The following RRM1 variants were observed in gnomAD, a reference collection of about 807,000 sequenced individuals.
The protein encoded by RRM1 is ribonucleotide reductase catalytic subunit M1.
A neutral mutation model predicts 101.5 loss-of-function variants in RRM1; 19 were observed. The observed-to-expected ratio is 0.19, with a 90% CI of 0.13 to 0.27. The LOEUF is 0.27. Among genes scored for constraint, RRM1 ranks in the 10% least tolerant of loss-of-function variants. The pLI, the probability that RRM1 is intolerant of heterozygous loss-of-function variation, is 1.00. For synonymous variants in RRM1, 298 were observed against 323.4 expected, an observed-to-expected ratio of 0.92 and a Z score of 0.84; for missense variants, 500 against 962.9, an observed-to-expected ratio of 0.52 and a Z score of 6.36.
chr11:4,131,030 C>T lies in RRM1; in HGVS notation c.1770-1256C>T, dbSNP rs557934869. 9.2e-5 allele frequency among the ~76,000 whole-genome samples: 14 copies of T among 152,208 alleles called. No individual in the cohort carries two copies. In the East Asian group the frequency reaches 9.7e-4, roughly 11 times the overall value. The stretch of plus-strand genomic sequence containing the variant: ...AAGTAGAGAACCCAGTTGTATTAGT[C>T]GATTCTCACACAGTTATAAAGAACT... On this transcript the variant is annotated intron_variant, in intron 15 of 18. Coordinates refer to ENST00000300738, the MANE Select transcript of RRM1 (RefSeq NM_001033.5).
At position 4,123,200 on chromosome 11, in the gene RRM1, G is replaced by C; in HGVS notation, c.1136G>C (p.Arg379Pro). The change falls in exon 12 of 19, where the codon CGT becomes CCT. Residue 379 changes from arginine to proline, a missense_variant. Arg to Pro is a moderately radical substitution (Grantham distance 103). Around this residue, in one of 9 missense-constraint regions of RRM1, gnomAD observed 80 missense variants for 170.9 expected, o/e 0.47. Coordinates refer to ENST00000300738, the MANE Select transcript of RRM1 (RefSeq NM_001033.5). ...CCTTTCAGTTATGAGAAACAAGGTC[G>C]TGTCCGCAAAGTTGTAAAAGCTCAG... The part of the protein sequence containing the change: ...KLYASYEKQG[R>P]VRKVVKAQQL... The C allele has an allele frequency of 1.2e-6, 2 of 1,613,892 alleles. No individual in the cohort carries two copies. Among genetic ancestry groups the C allele is most frequent in the African/African-American group, 2.7e-5 (2 of 74,988 alleles).
chr11:4,119,414 T>C (rs951119352), intron 8 of RRM1, among the ~76,000 whole-genome samples: 1 of 152,238 alleles, frequency 6.6e-6, no homozygotes, highest in Non-Finnish European at 1.5e-5. Context: ...ACCTTATTTA[T>C]TGCCCTGATA....
At chr11:4,129,172 A>G in intron 15 of RRM1, 22 bp downstream of exon 15, 2 of 1,453,872 alleles carry the variant, frequency 1.4e-6, no homozygotes, top group Non-Finnish European at 1.9e-6. Flanking sequence ...GATGTAAAGT[A>G]GCTTTGAAGG....
chr11:4,095,176 G>GTCTTCAGTCAGCCTGCCC (rs2094541848), intron 1 of RRM1, 145 bp downstream of exon 1: 16 of 986,492 alleles, frequency 1.6e-5, no homozygotes, highest in Non-Finnish European at 4.6e-6. Flanking sequence ...CTGTCAGCCC[G>GTCTTCAGTCAGCCTGCCC]CTCGGCCTTC....
chr11:4,121,903 C>CA, intron 10 of RRM1, 138 bp downstream of exon 10: 1 of 805,238 alleles, frequency 1.2e-6, no homozygotes, highest in Non-Finnish European at 1.9e-6. Context: ...TTAAGAGATG[C>CA]CGTGCTTGTC....
At chr11:4,125,668 G>A (rs1311763782) in intron 12 of RRM1, among the ~76,000 whole-genome samples, 3 of 152,096 alleles carry the variant, frequency 2.0e-5, no homozygotes, top group Admixed American at 6.5e-5. Flanking sequence ...CACATGATTT[G>A]CTTTCTAACC....
rs1233173809 is a variant in RRM1, at chr11:4,132,461, A to C, written c.1905+40A>C. 1 of 1,609,128 alleles carries C rather than the reference A, an allele frequency of 6.2e-7. No homozygotes were observed. The highest frequency in any genetic ancestry group is 8.5e-7 in the Non-Finnish European group (1 of 1,176,946). On this transcript the variant is annotated intron_variant, in intron 16 of 18. Transcript: ENST00000300738. The surrounding 1 kb of genome is among the most constrained non-coding windows in gnomAD (Gnocchi z 4.1). The stretch of plus-strand genomic sequence containing the variant: ...ACCAGCCTTACAGGGAGATCTTTCA[A>C]AAGCCTGATGTTGGGAGTAAATGCT...
intron 5 of RRM1, among the ~76,000 whole-genome samples, chr11:4,110,900 G>A (rs971300899): frequency 6.6e-6 from 1 of 152,002 alleles, no homozygotes; most frequent in African/African-American, 2.4e-5. Context: ...AGTCTTCAGG[G>A]GATTAAATGA....
chr11:4,116,129 G>A (rs1262849200), intron 7 of RRM1: 1 of 152,280 alleles, frequency 6.6e-6, no homozygotes, highest in African/African-American at 2.4e-5. Context: ...GATGCTGGGT[G>A]AGGAGTGGTC....
chr11:4,101,859 G>A (rs1402279390), intron 1 of RRM1, 134 bp from the exon 2 acceptor site: 8 of 606,700 alleles, frequency 1.3e-5, no homozygotes, highest in South Asian at 2.0e-5. Context: ...TTTTGAGGGG[G>A]CCTCAATCTT....
intron 12 of RRM1, 82 bp downstream of exon 12, chr11:4,123,466 C>T: frequency 8.8e-7 from 1 of 1,136,746 alleles, no homozygotes. Context: ...CTTGATTTCA[C>T]TTGAGATAAG....
rs1262896716 is a variant in RRM1, at chr11:4,127,073, T to TG, written c.1513dup (p.Val505GlyfsTer16). 1 of 1,613,458 alleles carries TG rather than the reference T, an allele frequency of 6.2e-7. No homozygotes were observed. The highest frequency in any genetic ancestry group is 1.3e-5 in the African/African-American group (1 of 74,890). Reference sequence around the variant, plus strand: ...ATAAACGCCATCGCCCCATTGGAATTGGGGTACAAGGTCTGGCAGATGCTT... The same window carrying TG: ...ATAAACGCCATCGCCCCATTGGAATTGGGGGTACAAGGTCTGGCAGATGCTT... On this transcript the variant is annotated frameshift_variant, in exon 14 of 19. Coordinates refer to ENST00000300738, the MANE Select transcript of RRM1 (RefSeq NM_001033.5). LOFTEE classifies it high-confidence loss of function.
intron 11 of RRM1, among the ~76,000 whole-genome samples, chr11:4,122,872 C>CAA (rs140332856): frequency 4.2e-5 from 5 of 120,472 alleles, no homozygotes; most frequent in African/African-American, 1.2e-4. Context: ...AACTCCGTCT[C>CAA]AAAAAAAAAA....
chr11:4,095,419 C>T (rs1363000137), intron 1 of RRM1, among the ~76,000 whole-genome samples: 1 of 132,464 alleles, frequency 7.5e-6, no homozygotes, highest in African/African-American at 2.6e-5. Context: ...CCGACTGACC[C>T]AAAGTCACCC....
chr11:4,136,648 C>T (rs535612101), intron 18 of RRM1, among the ~76,000 whole-genome samples: 2 of 152,210 alleles, frequency 1.3e-5, no homozygotes, highest in African/African-American at 4.8e-5. Context: ...ACCTCAGCCT[C>T]CTGAGTAGCT....
intron 2 of RRM1, among the ~76,000 whole-genome samples, chr11:4,103,292 G>C (rs1394154175): frequency 1.3e-5 from 2 of 152,144 alleles, no homozygotes; most frequent in African/African-American, 4.8e-5. Context: ...TATGTTTATT[G>C]TAAATTCTCT....
chr11:4,114,091 C>T (rs896063728), intron 7 of RRM1, among the ~76,000 whole-genome samples: 12 of 151,568 alleles, frequency 7.9e-5, no homozygotes, highest in East Asian at 3.9e-4. Flanking sequence ...GCCAAGATCG[C>T]GCCACTGCAC....
intron 5 of RRM1, among the ~76,000 whole-genome samples, chr11:4,110,276 C>T (rs1303232230): frequency 6.6e-6 from 1 of 152,090 alleles, no homozygotes; most frequent in Non-Finnish European, 1.5e-5. Context: ...CCTCAGCCTC[C>T]TGAGTGACTG....
In RRM1 at chr11:4,105,882, C is replaced by A. The variant is rs568424824; in HGVS notation, c.109-164C>A. Among the ~76,000 whole-genome samples the A allele has an allele frequency of 1.8e-4, 28 of 151,462 alleles. No homozygotes were observed. The highest frequency in any genetic ancestry group is 3.5e-4 in the Non-Finnish European group (24 of 67,888). On this transcript the variant is annotated intron_variant, in intron 2 of 18. Coordinates refer to ENST00000300738, the MANE Select transcript of RRM1 (RefSeq NM_001033.5). Reference sequence around the variant, plus strand: ...GCCTGGCTTTTTTTTTTAATAGTGTCGTGAACTGCTAAGCTTAAGTGATCT... The same window carrying A: ...GCCTGGCTTTTTTTTTTAATAGTGTAGTGAACTGCTAAGCTTAAGTGATCT...
Sources: gnomAD v4.1 joint callset for allele counts (sites outside exome capture counted in the v4.1 genomes callset) on GRCh38, gnomAD v4.1.1 for gene constraint, gnomAD v4.1.1 regional missense constraint, Gnocchi (gnomAD v3.1) non-coding constraint, MANE v1.5 for transcripts, NCBI Gene and HGNC (gene_info 2026-07-23, HGNC 2026-07-21) for gene names.